ZC3H11A: variants seen among roughly 807,000 people sequenced by gnomAD.
ZC3H11A encodes zinc finger CCCH-type containing 11A, also known as zinc finger CCCH domain-containing protein 11A.
A neutral mutation model predicts 90.8 loss-of-function variants in ZC3H11A; 22 were observed. That is an observed-to-expected ratio of 0.24 (90% CI 0.17 to 0.35). The LOEUF (loss-of-function observed/expected upper bound fraction) is 0.35. ZC3H11A is among the 10% of genes least tolerant of loss of function. The probability of loss-of-function intolerance (pLI) is 1.00; values close to 1 mark genes in which losing one functional copy is unlikely to be tolerated. For synonymous variants in ZC3H11A, 294 were observed against 339.8 expected (o/e 0.87, Z 1.48); for missense variants, 701 against 964.9 (o/e 0.73, Z 3.62).
At chr1:203,831,601 G>T (rs928183329) in intron 8 of ZC3H11A, 60 bp from the exon 9 acceptor site, 2 of 1,472,346 alleles carry the variant, frequency 1.4e-6, no homozygotes, top group Non-Finnish European at 1.9e-6. Context: ...CAAATTTTTT[G>T]ACTTGGGATA....
chr1:203,852,511 A>C lies in ZC3H11A; in HGVS notation c.*112A>C, dbSNP rs559402046. The C allele has an allele frequency of 5.7e-4, 694 of 1,207,134 alleles. No individual in the cohort carries two copies. Among genetic ancestry groups the C allele is most frequent in the Admixed American group, 8.9e-4 (34 of 38,082 alleles). 74.8% of individuals were successfully genotyped at this position (1,207,134 alleles called of 1,614,324 possible). A position where few individuals can be genotyped will look rare whatever the true frequency, so the allele number is the denominator to read the frequency against. On this transcript the variant is annotated 3_prime_UTR_variant, in exon 18 of 18. Transcript: ENST00000367210. ...TTTCTTTAGTCTAGAATTTGCCCCA[A>C]ATCAGAAGTATACCTCTGAATTATC... is the stretch of plus-strand genomic sequence containing the variant.
At chr1:203,847,730 T>C (rs1233939964) in intron 13 of ZC3H11A, 43 bp downstream of exon 13, 1 of 1,586,480 alleles carries the variant, frequency 6.3e-7, no homozygotes, top group African/African-American at 1.4e-5. Flanking sequence ...CCCCACATAA[T>C]ATTCCAGAGG....
Position 203,852,697 on chromosome 1 carries a change from A to C in ZC3H11A, c.*298A>C. The C allele has an allele frequency of 2.5e-6, 1 of 403,794 alleles. No individual in the cohort carries two copies. The highest frequency in any genetic ancestry group is 4.5e-6 in the Non-Finnish European group (1 of 221,724). The allele number at this position is 403,794 out of a possible 1,614,324, so 25.0% of individuals were successfully genotyped here. A position where few individuals can be genotyped will look rare whatever the true frequency, so the allele number is the denominator to read the frequency against. On this transcript the variant is annotated 3_prime_UTR_variant, in exon 18 of 18. Coordinates refer to ENST00000367210, the MANE Select transcript of ZC3H11A (RefSeq NM_001376342.1). ...GAGGGAGATCAAGTGAAAGGGTGCA[A>C]GCGAACTTAGTGACTCCTTGAGGTG...
At chr1:203,812,578 A>ATTTTTTTTT (rs386369376) in intron 2 of ZC3H11A, among the ~76,000 whole-genome samples, 6 of 109,316 alleles carry the variant, frequency 5.5e-5, no homozygotes, top group African/African-American at 7.3e-5. Flanking sequence ...GCCATTCTAA[A>ATTTTTTTTT]TTTTTTTTTT....
chr1:203,817,793 C>T (rs1676867280), intron 3 of ZC3H11A, among the ~76,000 whole-genome samples: 2 of 151,840 alleles, frequency 1.3e-5, no homozygotes, highest in African/African-American at 2.4e-5. Context: ...AGTTCTGTCA[C>T]CCAGGCTGGA....
intron 2 of ZC3H11A, among the ~76,000 whole-genome samples, chr1:203,808,195 A>G (rs1007045852): frequency 1.3e-5 from 2 of 152,188 alleles, no homozygotes; most frequent in Admixed American, 6.5e-5. Flanking sequence ...GTTCTGAGCT[A>G]TTTGTGAAAT....
intron 12 of ZC3H11A, among the ~76,000 whole-genome samples, chr1:203,843,741 G>A (rs948477357): frequency 2.6e-5 from 4 of 152,104 alleles, no homozygotes; most frequent in Non-Finnish European, 4.4e-5. Flanking sequence ...CTGATTTGGG[G>A]CCAGCCTTAT....
At chr1:203,833,364 CA>C (rs34277550) in intron 9 of ZC3H11A, among the ~76,000 whole-genome samples, 33,259 of 71,284 alleles carry the variant, frequency 0.47, 4,495 homozygotes, top group Middle Eastern at 0.55. Flanking sequence ...GACTCTGTCT[CA>C]AAAAAAAAAA....
Position 203,840,394 on chromosome 1 carries a change from A to G in ZC3H11A, c.1042+20A>G, listed in dbSNP as rs1685727403. On this transcript the variant is annotated intron_variant, in intron 12 of 17. Transcript: ENST00000367210. ...CAACAGGTAAGTAAATCCTAAGACC[A>G]GATTCTGATTATTTTTTTCTTTGCT... 2 of 1,603,476 alleles carry G rather than the reference A, an allele frequency of 1.2e-6. No individual in the cohort carries two copies. The highest frequency in any genetic ancestry group is 1.3e-5 in the African/African-American group (1 of 74,272).
intron 4 of ZC3H11A, among the ~76,000 whole-genome samples, chr1:203,825,076 C>CAAAAAAAA (rs61108073): frequency 9.2e-5 from 10 of 108,864 alleles, no homozygotes; most frequent in Admixed American, 2.2e-4. Context: ...GACTCCGTCT[C>CAAAAAAAA]AAAAAAAAAA....
At position 203,852,918 on chromosome 1, in the gene ZC3H11A, C is replaced by G. The variant is rs1196588220; in HGVS notation, c.*519C>G. The stretch of plus-strand genomic sequence containing the variant: ...TTTTTAAAGGTATTTAAAGATTCAA[C>G]TAAGCTTTAAAGAGGGCTGAGCAGC... On this transcript the variant is annotated 3_prime_UTR_variant, in exon 18 of 18. Transcript: ENST00000367210. The G allele has an allele frequency of 2.4e-5, 4 of 164,478 alleles. No individual in the cohort carries two copies. The highest frequency in any genetic ancestry group is 5.3e-5 in the Non-Finnish European group (4 of 74,996). 10.2% of individuals were successfully genotyped at this position (164,478 alleles called of 1,614,324 possible).
chr1:203,817,231 C>T, intron 3 of ZC3H11A, 107 bp downstream of exon 3: 2 of 872,634 alleles, frequency 2.3e-6, no homozygotes, highest in African/African-American at 1.8e-5. Flanking sequence ...ATATTTTTTG[C>T]CCAACTTTAT....
chr1:203,840,114 A>G (rs1326804793), intron 11 of ZC3H11A, among the ~76,000 whole-genome samples, 192 bp from the exon 12 acceptor site: 1 of 149,290 alleles, frequency 6.7e-6, no homozygotes, highest in Non-Finnish European at 1.5e-5. Flanking sequence ...AATTTTTGCA[A>G]TTTTAGTAGA....
rs775669259 is a variant in ZC3H11A at position 203,847,483 on chromosome 1, C to T, written c.1342C>T (p.Pro448Ser). 1.2e-5 allele frequency: 19 copies of T among 1,613,914 alleles called. No homozygotes were observed. The South Asian group carries it at 1.8e-4, about 15-fold the overall frequency. ...AATTAAAAAAACAGTAGTTTTGCCA[C>T]CCATTGTTGCCAGCAGAGGACAATC... is the stretch of plus-strand genomic sequence containing the variant. ...SEIKKTVVLP[P>S]IVASRGQSEE... The change falls in exon 13 of 18, where the codon CCC becomes TCC. Residue 448 changes from proline to serine, a missense_variant. By Grantham distance (74) the Pro-to-Ser change is moderately conservative (BLOSUM62 -1). Transcript: ENST00000367210.
At chr1:203,806,027 G>C (rs1008575201) in intron 2 of ZC3H11A, 1 of 544,088 alleles carries the variant, frequency 1.8e-6, no homozygotes, top group African/African-American at 1.9e-5. Flanking sequence ...TCTTGGGTGC[G>C]ATTGTCCTGC....
At chr1:203,823,600 A>G (rs1679491900) in intron 4 of ZC3H11A, among the ~76,000 whole-genome samples, 1 of 152,222 alleles carries the variant, frequency 6.6e-6, no homozygotes, top group Admixed American at 6.5e-5. Flanking sequence ...CCCAGATGCT[A>G]GCCAAGAGCA....
At chr1:203,797,543 T>G in intron 1 of ZC3H11A, 1 of 1,523,704 alleles carries the variant, frequency 6.6e-7, no homozygotes. Context: ...GTACTCTAAG[T>G]GTACCAGTTT....
At chr1:203,814,100 G>T (rs952748353) in intron 2 of ZC3H11A, among the ~76,000 whole-genome samples, 1 of 152,052 alleles carries the variant, frequency 6.6e-6, no homozygotes, top group Admixed American at 6.6e-5. Context: ...GTAAGCAGCA[G>T]GAAAAGCCCA....
chr1:203,811,056 G>T (rs1157112073), intron 2 of ZC3H11A, among the ~76,000 whole-genome samples: 1 of 150,958 alleles, frequency 6.6e-6, no homozygotes, highest in Non-Finnish European at 1.5e-5. Flanking sequence ...CAAGAGAATC[G>T]CTTGAAACCA....
Sources: allele counts gnomAD v4.1 joint callset (sites outside exome capture counted in the v4.1 genomes callset), GRCh38; gene constraint gnomAD v4.1.1; transcripts MANE v1.5; gene names NCBI Gene and HGNC (gene_info 2026-07-23, HGNC 2026-07-21).